DYM: variants seen among roughly 807,000 people sequenced by gnomAD.
DYM encodes dymeclin.
In DYM, 78 loss-of-function variants were observed where a neutral mutation model predicts 93.1. The observed-to-expected ratio is 0.84, with a 90% confidence interval of 0.70 to 1.01. The LOEUF is 1.01. DYM is among the 50% of genes least tolerant of loss of function. The pLI is 0.00. For missense variants in DYM, 789 were observed against 845.0 expected (o/e 0.93, Z 0.82); for synonymous variants, 321 against 319.7 (o/e 1.00, Z -0.04).
intron 8 of DYM, among the ~76,000 whole-genome samples, chr18:49,303,541 T>C (rs1394520857): frequency 6.6e-6 from 1 of 152,102 alleles, no homozygotes; most frequent in East Asian, 1.9e-4. Flanking sequence ...CATTTCAGTG[T>C]ATGGAATGAT....
intron 15 of DYM, among the ~76,000 whole-genome samples, chr18:49,145,134 TA>T (rs1555778610): frequency 1.6e-4 from 13 of 79,488 alleles, no homozygotes; most frequent in East Asian, 2.8e-4. Flanking sequence ...TATATATATA[TA>T]ATTTATATAT....
At chr18:49,294,746 T>C (rs964977847) in intron 8 of DYM, among the ~76,000 whole-genome samples, 6 of 152,068 alleles carry the variant, frequency 3.9e-5, no homozygotes, top group African/African-American at 1.4e-4. Context: ...ATTTCTTACA[T>C]CTAACAAACA....
At chr18:49,199,711 T>C (rs1013585732) in intron 14 of DYM, among the ~76,000 whole-genome samples, 1 of 152,234 alleles carries the variant, frequency 6.6e-6, no homozygotes, top group Admixed American at 6.5e-5. Flanking sequence ...TCATTACAGA[T>C]TAAGTGAATA....
At position 49,452,686 on chromosome 18, in the gene DYM, C is replaced by T. The variant is rs191063373; in HGVS notation, c.-54+7712G>A. The stretch of plus-strand genomic sequence containing the variant: ...TGGCCTGAGCCTCCCTGACGAGCGC[C>T]GCTCCCTGCTCCCCAGCGCCTGGTC... On this transcript the variant is annotated intron_variant, in intron 1 of 17. Transcript: ENST00000675505. 8.4e-4 allele frequency among the ~76,000 whole-genome samples: 65 copies of T among 77,320 alleles called. 16 individuals carry two copies. The East Asian group carries it at 0.014, about 17-fold the overall frequency. 50.7% of individuals were successfully genotyped at this position (77,320 alleles called of 152,430 possible). A position where few individuals can be genotyped will look rare whatever the true frequency, so the allele number is the denominator to read the frequency against.
intron 17 of DYM, among the ~76,000 whole-genome samples, chr18:49,078,087 T>C (rs1386864444): frequency 6.6e-6 from 1 of 152,056 alleles, no homozygotes; most frequent in African/African-American, 2.4e-5. Context: ...CTGTTGGCTT[T>C]TGAGCTATTC....
chr18:49,111,467 T>G (rs185092081), intron 16 of DYM, among the ~76,000 whole-genome samples: 2 of 152,310 alleles, frequency 1.3e-5, no homozygotes, highest in African/African-American at 4.8e-5. Flanking sequence ...TGTGTAGAAC[T>G]GTAGAGACTG....
intron 1 of DYM, among the ~76,000 whole-genome samples, chr18:49,457,255 A>G (rs1600423333): frequency 6.6e-6 from 1 of 152,196 alleles, no homozygotes; most frequent in Non-Finnish European, 1.5e-5. Context: ...CCACTTGGAC[A>G]GAGAGTCCCT....
chr18:49,295,653 T>G (rs549468843), intron 8 of DYM, among the ~76,000 whole-genome samples: 14 of 152,294 alleles, frequency 9.2e-5, no homozygotes, highest in African/African-American at 3.4e-4. Context: ...AATATAAGCC[T>G]TCTCTCTTGT....
Position 49,321,128 on chromosome 18 carries a change from A to C in DYM, c.763+10736T>G. 8.3e-6 allele frequency: 3 copies of C among 360,300 alleles called. No individual in the cohort carries two copies. The Admixed American group carries it at 1.4e-4, about 17-fold the overall frequency. The allele number at this position is 360,300 out of a possible 1,614,324, so 22.3% of individuals were successfully genotyped here. ...TAAGATTTATAGTCTCAAAAAATAG[A>C]ATTCCATAATTTCAATTTTAATATT... On this transcript the variant is annotated intron_variant, in intron 8 of 17. Coordinates refer to ENST00000675505, the MANE Select transcript of DYM (RefSeq NM_001353214.3).
In DYM at chr18:49,278,698, C is replaced by T. The variant is rs575511637; in HGVS notation, c.1125+3299G>A. 6.6e-5 allele frequency among the ~76,000 whole-genome samples: 10 copies of T among 152,230 alleles called. No individual in the cohort carries two copies. In the South Asian group the frequency reaches 1.2e-3, roughly 19 times the overall value. Reference sequence around the variant, plus strand: ...GTTGAGAGCTGCTGGTGGCCACCTGCCTCCCCACTTGGAAAGTGTGTGCCT... The same window carrying T: ...GTTGAGAGCTGCTGGTGGCCACCTGTCTCCCCACTTGGAAAGTGTGTGCCT... On this transcript the variant is annotated intron_variant, in intron 10 of 17. Coordinates refer to ENST00000675505, the MANE Select transcript of DYM (RefSeq NM_001353214.3).
chr18:49,155,804 T>C (rs1193026376), intron 15 of DYM, among the ~76,000 whole-genome samples: 1 of 152,238 alleles, frequency 6.6e-6, no homozygotes, highest in East Asian at 1.9e-4. Context: ...ATTTTATTTA[T>C]TCATTTGTCT....
chr18:49,275,047 T>C (rs2094816136), intron 10 of DYM, among the ~76,000 whole-genome samples: 1 of 152,200 alleles, frequency 6.6e-6, no homozygotes, highest in Non-Finnish European at 1.5e-5. Context: ...TAACAGTCAT[T>C]TGCCAAATTC....
At chr18:49,122,187 T>C (rs1207455135) in intron 15 of DYM, among the ~76,000 whole-genome samples, 1 of 152,196 alleles carries the variant, frequency 6.6e-6, no homozygotes, top group African/African-American at 2.4e-5. Context: ...ATGGGTACTT[T>C]TACGTCTCTG....
intron 17 of DYM, among the ~76,000 whole-genome samples, chr18:49,066,694 G>C (rs906246719): frequency 3.3e-5 from 5 of 152,072 alleles, no homozygotes; most frequent in African/African-American, 1.2e-4. Flanking sequence ...GGTTTCCAAA[G>C]TATCTGTACA....
chr18:49,184,115 T>C (rs780407001), intron 14 of DYM, among the ~76,000 whole-genome samples: 1 of 152,190 alleles, frequency 6.6e-6, no homozygotes, highest in Non-Finnish European at 1.5e-5. Context: ...AGCTGACTAA[T>C]ATACATAGGG....
At position 49,358,608 on chromosome 18, in the gene DYM, C is replaced by A. The variant is rs190774514; in HGVS notation, c.494+4553G>T. Among the ~76,000 whole-genome samples, 5 of 152,286 alleles carry A rather than the reference C, an allele frequency of 3.3e-5. No individual in the cohort carries two copies. The East Asian group carries it at 9.7e-4, about 29-fold the overall frequency. On this transcript the variant is annotated intron_variant, in intron 6 of 17. Transcript: ENST00000675505. The stretch of plus-strand genomic sequence containing the variant: ...AATTATAATTGACAAATCTGCAAAT[C>A]AGGGCCAGACTAAAAATTAAACAGT...
intron 14 of DYM, among the ~76,000 whole-genome samples, chr18:49,164,303 C>T (rs1055937042): frequency 1.3e-5 from 2 of 151,984 alleles, no homozygotes; most frequent in African/African-American, 4.8e-5. Context: ...TTAACTGATA[C>T]TGGACTAACT....
intron 2 of DYM, among the ~76,000 whole-genome samples, chr18:49,395,933 C>A (rs1420613813): frequency 3.9e-5 from 6 of 152,140 alleles, no homozygotes; most frequent in African/African-American, 1.2e-4. Context: ...GGGGGCAGAT[C>A]CCTTATGAAC....
At chr18:49,161,338 C>T (rs184383825) in intron 15 of DYM, among the ~76,000 whole-genome samples, 125 of 152,246 alleles carry the variant, frequency 8.2e-4, no homozygotes, top group Middle Eastern at 3.4e-3. Context: ...GACCTATTTC[C>T]TCAAATATTA....
Sources: allele counts gnomAD v4.1 joint callset (sites outside exome capture counted in the v4.1 genomes callset), GRCh38; gene constraint gnomAD v4.1.1; transcripts MANE v1.5; gene names NCBI Gene and HGNC (gene_info 2026-07-23, HGNC 2026-07-21).